Variants in TRERF1 observed in about 807,000 individuals in gnomAD.
The protein encoded by TRERF1 is transcriptional regulating factor 1.
In TRERF1, 27 loss-of-function variants were observed where a neutral mutation model predicts 122.9. That is an observed-to-expected ratio of 0.22 (90% CI 0.16 to 0.30). The LOEUF is 0.30. Among genes scored for constraint, TRERF1 ranks in the 10% least tolerant of loss-of-function variants. The pLI is 1.00. For missense variants in TRERF1, 1,248 were observed against 1,560.3 expected (o/e 0.80, Z 3.37); for synonymous variants, 636 against 641.7 (o/e 0.99, Z 0.13).
intron 3 of TRERF1, among the ~76,000 whole-genome samples, chr6:42,350,048 G>T (rs1769107226): frequency 6.6e-6 from 1 of 152,000 alleles, no homozygotes. Flanking sequence ...ATTCTATCTG[G>T]AACAGATACA....
intron 2 of TRERF1, among the ~76,000 whole-genome samples, chr6:42,403,392 C>CA (rs1779702560): frequency 6.6e-6 from 1 of 152,094 alleles, no homozygotes; most frequent in African/African-American, 2.4e-5. Context: ...AAAATAGCGA[C>CA]ACACACATAC....
At chr6:42,341,994 T>TTA (rs891395636) in intron 3 of TRERF1, among the ~76,000 whole-genome samples, 55 of 152,338 alleles carry the variant, frequency 3.6e-4, no homozygotes, top group African/African-American at 1.3e-3. Flanking sequence ...GTACATATAA[T>TTA]TAGTGAAATC....
At chr6:42,340,478 T>C (rs951319246) in intron 3 of TRERF1, among the ~76,000 whole-genome samples, 3 of 152,192 alleles carry the variant, frequency 2.0e-5, no homozygotes, top group African/African-American at 7.2e-5. Context: ...TATTTATTCT[T>C]TTAAAAGTAG....
Position 42,311,833 on chromosome 6 carries a change from T to C in TRERF1, c.-370-11084A>G, listed in dbSNP as rs189912218. Among the ~76,000 whole-genome samples, 10 of 150,198 alleles carry C rather than the reference T, an allele frequency of 6.7e-5. No individual in the cohort carries two copies. The East Asian group carries it at 1.6e-3, about 23-fold the overall frequency. On this transcript the variant is annotated intron_variant, in intron 3 of 17. Coordinates refer to ENST00000372922, the Ensembl canonical transcript of TRERF1. ...TGAGCAGAGGAGAGATGGGGTCTGA[T>C]TCACTTTTCACGTGGAGAACAAACT... is the stretch of plus-strand genomic sequence containing the variant.
At chr6:42,239,743 C>T (rs1773194357) in intron 15 of TRERF1, among the ~76,000 whole-genome samples, 1 of 152,144 alleles carries the variant, frequency 6.6e-6, no homozygotes, top group Non-Finnish European at 1.5e-5. Context: ...TCCCCAGGAT[C>T]CCCATGATCC....
At chr6:42,314,458 T>G (rs1480591710) in intron 3 of TRERF1, among the ~76,000 whole-genome samples, 2 of 152,200 alleles carry the variant, frequency 1.3e-5, no homozygotes, top group African/African-American at 2.4e-5. Flanking sequence ...ATTAAGCTCA[T>G]GCATCTAAAA....
At chr6:42,278,230 G>C (rs1223142483) in intron 4 of TRERF1, among the ~76,000 whole-genome samples, 2 of 152,146 alleles carry the variant, frequency 1.3e-5, no homozygotes, top group Non-Finnish European at 2.9e-5. Flanking sequence ...CTGTTTAGGG[G>C]GCAAATGCAC....
In TRERF1 at chr6:42,268,798, G is replaced by C. The variant is rs775763444; in HGVS notation, c.793C>G (p.Gln265Glu). ...TGCGGTGGGTAATACTGGTGCTGCT[G>C]CATCTGTTGCATGTGCTGTGACAGC... is the stretch of plus-strand genomic sequence containing the variant. The change falls in exon 5 of 18, where the codon CAG becomes GAG. Residue 265 changes from glutamine to glutamate, a missense_variant. Around this residue, in one of 5 missense-constraint regions of TRERF1, gnomAD observed 946 missense variants for 1,073.0 expected, o/e 0.88. Transcript: ENST00000372922. The surrounding 1 kb of genome is among the most constrained non-coding windows in gnomAD (Gnocchi z 4.4). 6.2e-7 allele frequency: 1 copy of C among 1,614,164 alleles called. No homozygotes were observed. Among genetic ancestry groups the C allele is most frequent in the African/African-American group, 1.3e-5 (1 of 75,040 alleles).
At chr6:42,315,001 T>C (rs1762256068) in intron 3 of TRERF1, among the ~76,000 whole-genome samples, 1 of 152,106 alleles carries the variant, frequency 6.6e-6, no homozygotes, top group Non-Finnish European at 1.5e-5. Context: ...GAGCAAAGCA[T>C]GAAGATGTGA....
chr6:42,441,293 C>A (rs761462488), intron 2 of TRERF1, among the ~76,000 whole-genome samples: 1 of 152,174 alleles, frequency 6.6e-6, no homozygotes, highest in Non-Finnish European at 1.5e-5. Flanking sequence ...CACATCACCC[C>A]GCCTCTATCA....
chr6:42,344,814 T>G (rs1767960464), intron 3 of TRERF1, among the ~76,000 whole-genome samples: 1 of 152,210 alleles, frequency 6.6e-6, no homozygotes, highest in Non-Finnish European at 1.5e-5. Context: ...CTTCTTTGTC[T>G]TATTTTTTTC....
chr6:42,443,546 T>C (rs1786911947), intron 2 of TRERF1, among the ~76,000 whole-genome samples: 1 of 152,206 alleles, frequency 6.6e-6, no homozygotes, highest in African/African-American at 2.4e-5. Flanking sequence ...TCGGGTTTCT[T>C]GGGGTAGGTT....
Position 42,268,501 on chromosome 6 carries a change from G to A in TRERF1, c.1090C>T (p.His364Tyr). The change falls in exon 5 of 18, where the codon CAC becomes TAC. Residue 364 changes from histidine (H) to tyrosine (Y), a missense_variant. His to Tyr is a moderately conservative substitution (Grantham distance 83). Transcript: ENST00000372922. This position sits in a 1 kb window ranked among gnomAD's most constrained non-coding sequence, Gnocchi z 4.4. ...CCCAGGGGAATCAGCTGGACAGTGT[G>A]TGCCTGCTCTGGGGTATACTGGTGA... 1.2e-6 allele frequency: 2 copies of A among 1,613,450 alleles called. No homozygotes were observed. Among genetic ancestry groups the A allele is most frequent in the South Asian group, 1.1e-5 (1 of 90,944 alleles).
At chr6:42,411,475 T>A (rs1037120749) in intron 2 of TRERF1, among the ~76,000 whole-genome samples, 1 of 152,058 alleles carries the variant, frequency 6.6e-6, no homozygotes, top group African/African-American at 2.4e-5. Context: ...GAACAGGAAC[T>A]AACACAGAAG....
rs1779875311 is a variant in TRERF1, at chr6:42,269,669, C to T, written c.-79G>A. 6.6e-6 allele frequency: 10 copies of T among 1,512,316 alleles called. No individual in the cohort carries two copies. In the East Asian group the frequency reaches 2.3e-4, roughly 35 times the overall value. 93.7% of individuals were successfully genotyped at this position (1,512,316 alleles called of 1,614,324 possible). On this transcript the variant is annotated 5_prime_UTR_variant, in exon 5 of 18. Coordinates refer to ENST00000372922, the Ensembl canonical transcript of TRERF1. This position sits in a 1 kb window ranked among gnomAD's most constrained non-coding sequence, Gnocchi z 4.9. Reference sequence around the variant, plus strand: ...AAAACAAACCCAAAAGGACTGAAACCCTGAGAAGCTGAGAGAAAAGTGTCA... The same window carrying T: ...AAAACAAACCCAAAAGGACTGAAACTCTGAGAAGCTGAGAGAAAAGTGTCA...
chr6:42,265,969 C>G (rs1779085097), intron 5 of TRERF1, among the ~76,000 whole-genome samples, 172 bp from the exon 6 acceptor site: 1 of 152,160 alleles, frequency 6.6e-6, no homozygotes, highest in African/African-American at 2.4e-5. Flanking sequence ...CTGCAATTGA[C>G]TTCTGTCCCT....
At chr6:42,446,870 T>A (rs1029072198) in intron 2 of TRERF1, among the ~76,000 whole-genome samples, 1 of 152,082 alleles carries the variant, frequency 6.6e-6, no homozygotes, top group African/African-American at 2.4e-5. Flanking sequence ...CTGGGCATGG[T>A]GGTGCACGCC....
At chr6:42,451,565 A>T (rs1788522484) in intron 1 of TRERF1, among the ~76,000 whole-genome samples, 109 bp downstream of exon 1, 1 of 150,474 alleles carries the variant, frequency 6.6e-6, no homozygotes, top group Admixed American at 6.6e-5. Context: ...TCTACTCTCC[A>T]TATGCATTCA....
chr6:42,385,720 C>T (rs949608618), intron 2 of TRERF1, among the ~76,000 whole-genome samples: 5 of 152,192 alleles, frequency 3.3e-5, no homozygotes, highest in Non-Finnish European at 4.4e-5. Flanking sequence ...ACCCCACCAC[C>T]ACTGCCACTT....
Sources: gnomAD v4.1 joint callset for allele counts (sites outside exome capture counted in the v4.1 genomes callset) on GRCh38, gnomAD v4.1.1 for gene constraint, gnomAD v4.1.1 regional missense constraint, Gnocchi (gnomAD v3.1) non-coding constraint, MANE v1.5 for transcripts, NCBI Gene and HGNC (gene_info 2026-07-23, HGNC 2026-07-21) for gene names.